ADAM18: variants seen among roughly 807,000 people sequenced by gnomAD.
ADAM18 encodes the protein ADAM metallopeptidase domain 18.
In ADAM18, 117 loss-of-function variants were observed where a neutral mutation model predicts 94.4. The ratio of observed to expected loss-of-function variants is 1.24; its 90% CI spans 1.07 to 1.45. The LOEUF (loss-of-function observed/expected upper bound fraction) is 1.45. Among genes scored for constraint, ADAM18 ranks in the 40% most tolerant of loss-of-function variants. The pLI, the probability that ADAM18 is intolerant of heterozygous loss-of-function variation, is 0.00. For missense variants in ADAM18, 936 were observed against 880.0 expected, an observed-to-expected ratio of 1.06 and a Z score of -0.81; for synonymous variants, 327 against 291.6, an observed-to-expected ratio of 1.12 and a Z score of -1.24.
Position 39,668,183 on chromosome 8 carries a change from G to A in ADAM18, c.1512G>A (p.Lys504=), listed in dbSNP as rs775136779. The stretch of plus-strand genomic sequence containing the variant: ...AAACTACTGATAACCAGTGTGCCAA[G>A]ATATTTGGAAAAGGTATTGCTCTTT... ...QCQTTDNQCA[K]IFGKGAQGAP... Residue 504 remains lysine (K), a synonymous_variant, in exon 14 of 20, where the codon AAG becomes AAA. Coordinates refer to ENST00000265707, the MANE Select transcript of ADAM18 (RefSeq NM_014237.3). 1 of 1,614,026 alleles carries A rather than the reference G, an allele frequency of 6.2e-7. No individual in the cohort carries two copies.
At chr8:39,602,083 T>G (rs1585885478) in intron 2 of ADAM18, among the ~76,000 whole-genome samples, 1 of 152,222 alleles carries the variant, frequency 6.6e-6, no homozygotes, top group East Asian at 1.9e-4. Flanking sequence ...GCATTTGGGT[T>G]GCTTCCACCT....
At chr8:39,709,866 T>C (rs1378647867) in intron 18 of ADAM18, among the ~76,000 whole-genome samples, 1 of 152,214 alleles carries the variant, frequency 6.6e-6, no homozygotes, top group Non-Finnish European at 1.5e-5. Flanking sequence ...ATCAATGTGT[T>C]TTATGTATGC....
chr8:39,714,678 T>A (rs1301736397), intron 18 of ADAM18, among the ~76,000 whole-genome samples: 1 of 152,086 alleles, frequency 6.6e-6, no homozygotes, highest in African/African-American at 2.4e-5. Flanking sequence ...AGTTGACTAG[T>A]CTAACTCCCT....
chr8:39,721,727 G>T (rs568579636), intron 18 of ADAM18, among the ~76,000 whole-genome samples: 5 of 151,564 alleles, frequency 3.3e-5, no homozygotes, highest in South Asian at 4.1e-4. Context: ...TATCAGGATG[G>T]TTAGTATTCA....
chr8:39,585,490 G>T, intron 2 of ADAM18, 138 bp downstream of exon 2: 2 of 635,198 alleles, frequency 3.1e-6, no homozygotes, highest in Non-Finnish European at 5.4e-6. Flanking sequence ...GTCTCCTACC[G>T]TGTTTTGATC....
At chr8:39,689,102 A>G (rs1324982859) in intron 16 of ADAM18, among the ~76,000 whole-genome samples, 1 of 151,332 alleles carries the variant, frequency 6.6e-6, no homozygotes, top group Non-Finnish European at 1.5e-5. Context: ...GATGCTGGGT[A>G]TTATACTTTT....
At chr8:39,623,025 CT>C (rs1819658184) in intron 6 of ADAM18, among the ~76,000 whole-genome samples, 1 of 152,146 alleles carries the variant, frequency 6.6e-6, no homozygotes, top group Non-Finnish European at 1.5e-5. Flanking sequence ...CTCACTCCCC[CT>C]CTCACCTTCC....
chr8:39,701,505 G>T (rs554881148), intron 17 of ADAM18, among the ~76,000 whole-genome samples: 2 of 151,884 alleles, frequency 1.3e-5, no homozygotes, highest in Admixed American at 6.6e-5. Flanking sequence ...AAGTTCAAGG[G>T]TACGTGTGAA....
chr8:39,641,587 C>T (rs957401233), intron 10 of ADAM18, among the ~76,000 whole-genome samples: 4 of 151,834 alleles, frequency 2.6e-5, no homozygotes, highest in Non-Finnish European at 5.9e-5. Flanking sequence ...TCTAGGTGTC[C>T]ATGTGTTCTC....
chr8:39,648,763 A>G (rs1820451726), intron 12 of ADAM18, among the ~76,000 whole-genome samples: 1 of 152,126 alleles, frequency 6.6e-6, no homozygotes, highest in Non-Finnish European at 1.5e-5. Context: ...ATGCCAGCAG[A>G]TTGATTTTGA....
At chr8:39,599,550 T>C (rs1286406496) in intron 2 of ADAM18, among the ~76,000 whole-genome samples, 2 of 152,126 alleles carry the variant, frequency 1.3e-5, no homozygotes, top group Non-Finnish European at 2.9e-5. Flanking sequence ...TCTCAATGGG[T>C]TTATATATGT....
chr8:39,606,377 T>C lies in ADAM18; in HGVS notation c.188+15T>C, dbSNP rs748856173. The C allele has an allele frequency of 5.3e-6, 8 of 1,511,450 alleles. No individual in the cohort carries two copies. The Admixed American group carries it at 1.7e-4, about 31-fold the overall frequency. The allele number at this position is 1,511,450 out of a possible 1,614,324, so 93.6% of individuals were successfully genotyped here. A position where few individuals can be genotyped will look rare whatever the true frequency, so the allele number is the denominator to read the frequency against. ...CTCGGAAAACAGTAAGATATGATTTTTTTTTCATTAAGGAAAAGGGAAAGC... is the reference window on the plus strand; with the variant it reads ...CTCGGAAAACAGTAAGATATGATTTCTTTTTCATTAAGGAAAAGGGAAAGC... On this transcript the variant is annotated intron_variant, in intron 3 of 19. Coordinates refer to ENST00000265707, the MANE Select transcript of ADAM18 (RefSeq NM_014237.3).
At chr8:39,683,963 C>G (rs2129580643) in intron 16 of ADAM18, among the ~76,000 whole-genome samples, 1 of 152,042 alleles carries the variant, frequency 6.6e-6, no homozygotes, top group African/African-American at 2.4e-5. Flanking sequence ...ATAGCGAGAA[C>G]TTGTCTCTAA....
chr8:39,711,146 A>T (rs1822384764), intron 18 of ADAM18, among the ~76,000 whole-genome samples: 4 of 152,220 alleles, frequency 2.6e-5, no homozygotes, highest in African/African-American at 7.2e-5. Flanking sequence ...CATTACCTGA[A>T]CAAAAACTCT....
intron 11 of ADAM18, 122 bp from the exon 12 acceptor site, chr8:39,648,222 T>C (rs1470685188): frequency 1.6e-6 from 1 of 612,436 alleles, no homozygotes; most frequent in Non-Finnish European, 2.6e-6. Flanking sequence ...TGGTTGAATC[T>C]CTGCTAAAGT....
At chr8:39,606,467 A>T in intron 3 of ADAM18, 105 bp downstream of exon 3, 1 of 608,358 alleles carries the variant, frequency 1.6e-6, no homozygotes, top group Non-Finnish European at 2.7e-6. Flanking sequence ...ATGCTGTATA[A>T]TGTAGACTTG....
chr8:39,594,263 A>T (rs576397678), intron 2 of ADAM18, among the ~76,000 whole-genome samples: 1 of 152,280 alleles, frequency 6.6e-6, no homozygotes, highest in Admixed American at 6.5e-5. Flanking sequence ...TATGTTGAGG[A>T]AATATTTAAG....
At chr8:39,603,312 G>T (rs942480499) in intron 2 of ADAM18, among the ~76,000 whole-genome samples, 4 of 152,044 alleles carry the variant, frequency 2.6e-5, no homozygotes, top group Admixed American at 1.3e-4. Flanking sequence ...CTCCAAACTT[G>T]GTTCTTTCTT....
chr8:39,604,854 A>G (rs1819021162), intron 2 of ADAM18: 1 of 152,052 alleles, frequency 6.6e-6, no homozygotes, highest in Non-Finnish European at 1.5e-5. Context: ...TGATTTGATA[A>G]ATTACTCCTT....
Sources: gnomAD v4.1 joint callset for allele counts (sites outside exome capture counted in the v4.1 genomes callset) on GRCh38, gnomAD v4.1.1 for gene constraint, MANE v1.5 for transcripts, NCBI Gene and HGNC (gene_info 2026-07-23, HGNC 2026-07-21) for gene names.